Variants in PDCD6IP observed in about 807,000 individuals in gnomAD.
PDCD6IP encodes the protein programmed cell death 6-interacting protein.
In PDCD6IP, 43 loss-of-function variants were observed where a neutral mutation model predicts 103.7. That is an observed-to-expected ratio of 0.41 (90% confidence interval 0.32 to 0.53). The LOEUF (loss-of-function observed/expected upper bound fraction) is 0.53. Ranked by LOEUF, PDCD6IP falls within the 20% of genes least tolerant of loss-of-function variation. PDCD6IP has a pLI of 0.16. For synonymous variants in PDCD6IP, 354 were observed against 378.7 expected (o/e 0.93, Z 0.76); for missense variants, 871 against 1,036.7 (o/e 0.84, Z 2.20).
chr3:33,820,809 C>T (rs1205874211), intron 3 of PDCD6IP, among the ~76,000 whole-genome samples: 1 of 152,172 alleles, frequency 6.6e-6, no homozygotes, highest in Non-Finnish European at 1.5e-5. Context: ...AGATCACAGA[C>T]ACTTGGGTTG....
chr3:33,842,105 TA>T (rs1397997423), intron 10 of PDCD6IP, 31 bp downstream of exon 10: 1 of 1,329,864 alleles, frequency 7.5e-7, no homozygotes, highest in East Asian at 2.3e-5. Flanking sequence ...TTTTCAAGTA[TA>T]AACACTGTGA....
intron 7 of PDCD6IP, among the ~76,000 whole-genome samples, chr3:33,831,805 C>T (rs1697250949): frequency 6.6e-6 from 1 of 151,930 alleles, no homozygotes; most frequent in Non-Finnish European, 1.5e-5. Context: ...ACTTGTCATT[C>T]TTACTGAAGT....
At chr3:33,815,656 T>A (rs146626600) in intron 3 of PDCD6IP, among the ~76,000 whole-genome samples, 5 of 152,286 alleles carry the variant, frequency 3.3e-5, no homozygotes, top group Non-Finnish European at 7.4e-5. Context: ...TGAAGTTGAC[T>A]GAATTTGCTG....
chr3:33,843,877 C>CG (rs1553708808), intron 10 of PDCD6IP, among the ~76,000 whole-genome samples: 2 of 140,810 alleles, frequency 1.4e-5, no homozygotes, highest in African/African-American at 5.2e-5. Context: ...TTTATTCCTC[C>CG]TTTTTTTTTT....
chr3:33,832,988 G>A (rs1360143922), intron 7 of PDCD6IP, among the ~76,000 whole-genome samples: 2 of 151,928 alleles, frequency 1.3e-5, no homozygotes, highest in East Asian at 1.9e-4. Context: ...TTGAACTTCT[G>A]TTACCCAACT....
At chr3:33,862,831 GTTTT>G (rs1330594667) in intron 15 of PDCD6IP, among the ~76,000 whole-genome samples, 2 of 152,264 alleles carry the variant, frequency 1.3e-5, no homozygotes, top group Middle Eastern at 3.4e-3. Flanking sequence ...GATGTTAGGA[GTTTT>G]TTAAATCCAG....
Position 33,838,184 on chromosome 3 carries a change from A to G in PDCD6IP, c.1058-20A>G. Reference sequence around the variant, plus strand: ...GTTTTTGTCTAAAAATTTTGTTGTAATTTCTCTTCCTAATTTTAGATCTGT... The same window carrying G: ...GTTTTTGTCTAAAAATTTTGTTGTAGTTTCTCTTCCTAATTTTAGATCTGT... On this transcript the variant is annotated intron_variant, in intron 8 of 17. Coordinates refer to ENST00000307296, the MANE Select transcript of PDCD6IP (RefSeq NM_013374.6). 1 of 1,609,730 alleles carries G rather than the reference A, an allele frequency of 6.2e-7. No individual in the cohort carries two copies. Among genetic ancestry groups the G allele is most frequent in the Non-Finnish European group, 8.5e-7 (1 of 1,178,224 alleles).
rs764028588 is a variant in PDCD6IP, at chr3:33,845,600, A to G, written c.1641+12A>G. 1.0e-5 allele frequency: 16 copies of G among 1,580,406 alleles called. No individual in the cohort carries two copies. The East Asian group carries it at 2.9e-4, about 29-fold the overall frequency. On this transcript the variant is annotated intron_variant, in intron 12 of 17. Coordinates refer to ENST00000307296, the MANE Select transcript of PDCD6IP (RefSeq NM_013374.6). Reference sequence around the variant, plus strand: ...TGCAGGGCAGTGAGGTAAGAAGGACACTTTGATGTAGGTTGTCATCTGCTT... The same window carrying G: ...TGCAGGGCAGTGAGGTAAGAAGGACGCTTTGATGTAGGTTGTCATCTGCTT...
intron 1 of PDCD6IP, among the ~76,000 whole-genome samples, chr3:33,811,594 T>A (rs891559035): frequency 3.3e-5 from 5 of 152,194 alleles, no homozygotes; most frequent in African/African-American, 9.7e-5. Context: ...GGAGAGGTTG[T>A]CTAGGAAACT....
Position 33,812,083 on chromosome 3 carries a change from A to G in PDCD6IP, c.221A>G (p.Gln74Arg). ...GCTCTATTTTTTAGATATTATGATC[A>G]GATTTGTTCTATTGAACCCAAATTC... Reference protein sequence around the residue: ...ALETLLRYYDQICSIEPKFPF... With the variant: ...ALETLLRYYDRICSIEPKFPF... The change falls in exon 2 of 18, where the codon CAG becomes CGG. Residue 74 changes from glutamine to arginine, a missense_variant. By Grantham distance (43) the Gln-to-Arg change is conservative. Coordinates refer to ENST00000307296, the MANE Select transcript of PDCD6IP (RefSeq NM_013374.6). The G allele has an allele frequency of 6.3e-7, 1 of 1,594,614 alleles. No homozygotes were observed. Among genetic ancestry groups the G allele is most frequent in the Non-Finnish European group, 8.5e-7 (1 of 1,171,946 alleles).
At chr3:33,860,525 T>C (rs1697929613) in intron 15 of PDCD6IP, among the ~76,000 whole-genome samples, 1 of 152,226 alleles carries the variant, frequency 6.6e-6, no homozygotes, top group African/African-American at 2.4e-5. Flanking sequence ...GCATTGTTAA[T>C]GCATCCACCC....
chr3:33,805,152 C>T (rs771025470), intron 1 of PDCD6IP, among the ~76,000 whole-genome samples: 24 of 151,774 alleles, frequency 1.6e-4, no homozygotes, highest in Non-Finnish European at 2.8e-4. Context: ...GTCAGGAGTT[C>T]GAGATTAGCC....
chr3:33,838,632 A>G (rs1216922901), intron 9 of PDCD6IP, among the ~76,000 whole-genome samples: 1 of 152,014 alleles, frequency 6.6e-6, no homozygotes, highest in Non-Finnish European at 1.5e-5. Flanking sequence ...TTCTGAACCA[A>G]TTTTTGTTTC....
At chr3:33,824,581 C>T (rs1434304501) in intron 4 of PDCD6IP, among the ~76,000 whole-genome samples, 1 of 152,128 alleles carries the variant, frequency 6.6e-6, no homozygotes, top group African/African-American at 2.4e-5. Context: ...CTTTTAATCC[C>T]AGACTGATTT....
At chr3:33,813,694 T>A in intron 3 of PDCD6IP, 66 bp downstream of exon 3, 1 of 896,314 alleles carries the variant, frequency 1.1e-6, no homozygotes, top group Non-Finnish European at 1.8e-6. Flanking sequence ...TTTTAGTTTT[T>A]AAAATTGTTA....
chr3:33,852,331 G>A (rs1447823819), intron 12 of PDCD6IP, among the ~76,000 whole-genome samples, 157 bp from the exon 13 acceptor site: 1 of 151,098 alleles, frequency 6.6e-6, no homozygotes, highest in African/African-American at 2.4e-5. Flanking sequence ...AAGGTACAGT[G>A]TCTATCTATA....
intron 15 of PDCD6IP, among the ~76,000 whole-genome samples, chr3:33,861,288 CG>C (rs1697947347): frequency 6.6e-6 from 1 of 151,972 alleles, no homozygotes; most frequent in Admixed American, 6.6e-5. Context: ...GGATTACAAG[CG>C]CCCACCACCA....
At chr3:33,831,900 C>G (rs1331899323) in intron 7 of PDCD6IP, among the ~76,000 whole-genome samples, 1 of 152,122 alleles carries the variant, frequency 6.6e-6, no homozygotes, top group Non-Finnish European at 1.5e-5. Context: ...CATCTTAATT[C>G]AGCAACAGGG....
chr3:33,809,418 C>G (rs552651772), intron 1 of PDCD6IP, among the ~76,000 whole-genome samples: 1 of 152,096 alleles, frequency 6.6e-6, no homozygotes, highest in Non-Finnish European at 1.5e-5. Flanking sequence ...TTTAGTGACT[C>G]GAATGTATAG....
Sources: gnomAD v4.1 joint callset for allele counts (sites outside exome capture counted in the v4.1 genomes callset) on GRCh38, gnomAD v4.1.1 for gene constraint, MANE v1.5 for transcripts, NCBI Gene and HGNC (gene_info 2026-07-23, HGNC 2026-07-21) for gene names.